The following DIAPH2 variants were observed in gnomAD, a reference collection of about 807,000 sequenced individuals.
DIAPH2 encodes the protein protein diaphanous homolog 2.
Under a neutral mutation model 92.7 loss-of-function variants are expected in DIAPH2, and 35 were observed. The ratio of observed to expected loss-of-function variants is 0.38; its 90% CI spans 0.29 to 0.50. The LOEUF (loss-of-function observed/expected upper bound fraction) is 0.50, where lower values mean the gene tolerates loss of function less well. Among genes scored for constraint, DIAPH2 ranks in the 20% least tolerant of loss-of-function variants. The probability of loss-of-function intolerance (pLI) is 0.94; values close to 1 mark genes in which losing one functional copy is unlikely to be tolerated. For synonymous variants in DIAPH2, 301 were observed against 280.4 expected (o/e 1.07, Z -0.73); for missense variants, 701 against 819.5 (o/e 0.86, Z 1.77).
chrX:97,263,977 A>G (rs2068312848), intron 23 of DIAPH2, among the ~76,000 whole-genome samples: 1 of 107,928 alleles, frequency 9.3e-6, no homozygotes, highest in Admixed American at 1.0e-4. Context: ...GCTGGAGTGC[A>G]ATGGTATGAT....
At chrX:96,797,157 C>A (rs1354763105) in intron 4 of DIAPH2, among the ~76,000 whole-genome samples, 1 of 110,296 alleles carries the variant, frequency 9.1e-6, no homozygotes, top group Non-Finnish European at 1.9e-5. Context: ...CATCCATTGT[C>A]TTCTGAGTTC....
At chrX:97,590,490 A>G (rs752934592) in intron 26 of DIAPH2, among the ~76,000 whole-genome samples, 239 of 112,726 alleles carry the variant, frequency 2.1e-3, no homozygotes, top group African/African-American at 7.6e-3. Flanking sequence ...CAACTGCCTC[A>G]GAAAATGACA....
At chrX:97,567,372 C>A (rs1320922135) in intron 26 of DIAPH2, among the ~76,000 whole-genome samples, 1 of 112,324 alleles carries the variant, frequency 8.9e-6, no homozygotes, top group Non-Finnish European at 1.9e-5. Flanking sequence ...TGCCTCCCTA[C>A]CTTTCAATAG....
chrX:96,951,691 C>T (rs1376982443), intron 15 of DIAPH2, among the ~76,000 whole-genome samples: 2 of 111,264 alleles, frequency 1.8e-5, no homozygotes, highest in Non-Finnish European at 3.8e-5. Context: ...ATTCAATTTG[C>T]AATACGATGT....
At chrX:97,347,674 G>A (rs1482360515) in intron 23 of DIAPH2, among the ~76,000 whole-genome samples, 1 of 111,122 alleles carries the variant, frequency 9.0e-6, no homozygotes, top group Non-Finnish European at 1.9e-5. Flanking sequence ...GGGCTAAAAT[G>A]TGTCTTCCCC....
chrX:97,000,426 T>A (rs2066135648), intron 17 of DIAPH2, among the ~76,000 whole-genome samples: 1 of 112,284 alleles, frequency 8.9e-6, no homozygotes, highest in South Asian at 3.7e-4. Context: ...ATAGTGTTCA[T>A]TCATCTCTCT....
At chrX:97,024,109 T>G (rs2066315726) in intron 17 of DIAPH2, among the ~76,000 whole-genome samples, 1 of 112,210 alleles carries the variant, frequency 8.9e-6, no homozygotes, top group Admixed American at 9.4e-5. Context: ...TTCTTACATA[T>G]CAACTCATGC....
In DIAPH2 at chrX:96,990,399, T is replaced by C. The variant is rs2066061486; in HGVS notation, c.2050+25192T>C. Among the ~76,000 whole-genome samples the C allele has an allele frequency of 2.7e-5, 3 of 111,033 alleles. No individual in the cohort carries two copies. In the Admixed American group the frequency reaches 2.9e-4, roughly 11 times the overall value. On this transcript the variant is annotated intron_variant, in intron 17 of 26. Transcript: ENST00000324765. ...GCCACAGGCCTATTTCCAACTAGAG[T>C]GCGCATTTCCGATTTTCACAACAGT...
chrX:97,288,795 G>C (rs2068566918), intron 23 of DIAPH2, among the ~76,000 whole-genome samples: 1 of 109,427 alleles, frequency 9.1e-6, no homozygotes, highest in African/African-American at 3.3e-5. Flanking sequence ...CATAACCTTG[G>C]AAAGCCAGCC....
chrX:97,323,841 T>A (rs2068926034), intron 23 of DIAPH2, among the ~76,000 whole-genome samples: 1 of 100,766 alleles, frequency 9.9e-6, no homozygotes, highest in Non-Finnish European at 2.0e-5. Flanking sequence ...AGGCAGATGT[T>A]GCAGTGAGCC....
intron 17 of DIAPH2, among the ~76,000 whole-genome samples, chrX:97,044,428 C>A (rs7886817): frequency 0.019 from 2,125 of 111,427 alleles, 48 homozygotes; most frequent in South Asian, 0.084. Context: ...TAAACATGCA[C>A]ATGTTTGATG....
At chrX:97,420,027 C>T (rs1305785292) in intron 25 of DIAPH2, among the ~76,000 whole-genome samples, 1 of 110,840 alleles carries the variant, frequency 9.0e-6, no homozygotes, top group African/African-American at 3.3e-5. Context: ...GAGGCATAAA[C>T]TGGTTTTTCT....
chrX:97,449,725 G>T, intron 26 of DIAPH2: 2 of 716,697 alleles, frequency 2.8e-6, no homozygotes, highest in Non-Finnish European at 3.3e-6. Context: ...GCAGCCAAAG[G>T]GACAAAGAGT....
chrX:96,804,123 C>A (rs1319094975), intron 4 of DIAPH2, among the ~76,000 whole-genome samples: 1 of 111,555 alleles, frequency 9.0e-6, no homozygotes, highest in Non-Finnish European at 1.9e-5. Context: ...TTGTCTGTTT[C>A]CTGAGTTTTT....
At position 96,957,861 on chromosome X, in the gene DIAPH2, G is replaced by T. The variant is rs1248846230; in HGVS notation, c.1648G>T (p.Gly550Cys). 1 of 1,208,254 alleles carries T rather than the reference G, an allele frequency of 8.3e-7. No individual in the cohort carries two copies. Among genetic ancestry groups the T allele is most frequent in the Non-Finnish European group, 1.1e-6 (1 of 894,529 alleles). ...QVLSSSSGIP[G>C]PPAAPPLPGV... ...ACTCTCAAGTTCATCAGGAATTCCA[G>T]GTCCTCCTGCAGCACCTCCATTGCC... The change falls in exon 16 of 27, where the codon GGT becomes TGT. Residue 550 changes from glycine to cysteine, a missense_variant. Coordinates refer to ENST00000324765, the MANE Select transcript of DIAPH2 (RefSeq NM_006729.5).
chrX:97,191,488 T>C (rs2067653413), intron 22 of DIAPH2, among the ~76,000 whole-genome samples: 1 of 111,632 alleles, frequency 9.0e-6, no homozygotes, highest in South Asian at 3.8e-4. Flanking sequence ...ATTTTGTATC[T>C]TCCCTGGGAA....
Position 96,924,203 on chromosome X carries a change from G to A in DIAPH2, c.978+5586G>A, listed in dbSNP as rs188161458. Among the ~76,000 whole-genome samples the A allele has an allele frequency of 8.9e-5, 10 of 111,950 alleles. No individual in the cohort carries two copies. In the East Asian group the frequency reaches 2.8e-3, roughly 31 times the overall value. ...ATATGGAGAAAATTTGTGGAAATTA[G>A]CATTTATAAAGTGTTGAATGACTGC... is the stretch of plus-strand genomic sequence containing the variant. On this transcript the variant is annotated intron_variant, in intron 9 of 26. Transcript: ENST00000324765.
intron 23 of DIAPH2, among the ~76,000 whole-genome samples, chrX:97,310,433 A>G (rs1288408199): frequency 1.8e-5 from 2 of 111,965 alleles, no homozygotes; most frequent in Admixed American, 1.9e-4. Flanking sequence ...GTTTGGTGGT[A>G]TGTTCGTATT....
chrX:97,302,082 G>A (rs1400486413), intron 23 of DIAPH2, among the ~76,000 whole-genome samples: 1 of 107,368 alleles, frequency 9.3e-6, no homozygotes, highest in Non-Finnish European at 1.9e-5. Context: ...GCATGGTGGT[G>A]CGTGCCTGTA....
Sources: allele counts gnomAD v4.1 joint callset (sites outside exome capture counted in the v4.1 genomes callset), GRCh38; gene constraint gnomAD v4.1.1; transcripts MANE v1.5; gene names NCBI Gene and HGNC (gene_info 2026-07-23, HGNC 2026-07-21).